The following CCDC7 variants were observed in gnomAD, a reference collection of about 807,000 sequenced individuals.
CCDC7 encodes the protein coiled-coil domain-containing protein 7.
CCDC7 carries 183 observed loss-of-function variants against 196.9 expected under a neutral mutation model. The observed-to-expected ratio is 0.93, with a 90% CI of 0.82 to 1.05. CCDC7 has a LOEUF of 1.05. CCDC7 is among the 50% of genes least tolerant of loss of function. The pLI, the probability that CCDC7 is intolerant of heterozygous loss-of-function variation, is 0.00. For missense variants in CCDC7, 1,540 were observed against 1,482.2 expected (o/e 1.04, Z -0.64); for synonymous variants, 525 against 484.6 (o/e 1.08, Z -1.10).
intron 8 of CCDC7, among the ~76,000 whole-genome samples, chr10:32,490,406 G>T (rs1034221171): frequency 4.6e-5 from 7 of 152,142 alleles, no homozygotes; most frequent in Admixed American, 2.6e-4. Flanking sequence ...TCAAATTGTG[G>T]CTGAAATAAT....
At chr10:32,673,850 G>T (rs1004224942) in intron 21 of CCDC7, among the ~76,000 whole-genome samples, 4 of 151,962 alleles carry the variant, frequency 2.6e-5, no homozygotes, top group Non-Finnish European at 5.9e-5. Flanking sequence ...GTTATTGGTA[G>T]GTTCTAGGAA....
intron 20 of CCDC7, among the ~76,000 whole-genome samples, chr10:32,641,721 T>C (rs1190153729): frequency 6.6e-6 from 1 of 152,066 alleles, no homozygotes. Context: ...GGAGGAGGAG[T>C]GGTGCTCTGA....
intron 28 of CCDC7, among the ~76,000 whole-genome samples, chr10:32,746,388 G>T (rs1399188619): frequency 6.6e-6 from 1 of 152,186 alleles, no homozygotes; most frequent in Admixed American, 6.5e-5. Flanking sequence ...AGGGAGAGCT[G>T]CTTTAAGAGG....
At chr10:32,861,131 A>AAAAAAAAAAAAAAAAG (rs1565740882) in intron 41 of CCDC7, among the ~76,000 whole-genome samples, 1 of 148,664 alleles carries the variant, frequency 6.7e-6, no homozygotes, top group Non-Finnish European at 1.5e-5. Flanking sequence ...AAAAAAAAAA[A>AAAAAAAAAAAAAAAAG]AAAGAAAGCT....
intron 18 of CCDC7, among the ~76,000 whole-genome samples, chr10:32,589,281 A>T (rs1446958938): frequency 6.6e-6 from 1 of 152,172 alleles, no homozygotes; most frequent in African/African-American, 2.4e-5. Flanking sequence ...TATTGCACTT[A>T]ACATAATGTC....
At chr10:32,715,516 G>A (rs766272849) in intron 25 of CCDC7, among the ~76,000 whole-genome samples, 23 of 152,068 alleles carry the variant, frequency 1.5e-4, no homozygotes, top group South Asian at 4.1e-4. Context: ...ACAACTCCTC[G>A]TCAGCAAGGG....
intron 23 of CCDC7, among the ~76,000 whole-genome samples, chr10:32,693,928 A>T (rs769574410): frequency 2.6e-5 from 4 of 152,140 alleles, no homozygotes; most frequent in Non-Finnish European, 5.9e-5. Flanking sequence ...GCAACCCTTA[A>T]CTGGGATAAG....
chr10:32,826,678 A>G (rs530830276), intron 32 of CCDC7, among the ~76,000 whole-genome samples: 39 of 152,358 alleles, frequency 2.6e-4, no homozygotes, highest in African/African-American at 8.9e-4. Context: ...CAGTGGACAG[A>G]GGAAGAGAAG....
At chr10:32,845,399 C>A in intron 34 of CCDC7, 73 bp downstream of exon 35, 1 of 1,272,098 alleles carries the variant, frequency 7.9e-7, no homozygotes, top group Non-Finnish European at 1.1e-6. Context: ...AAGTATAGAC[C>A]TTTAATAACA....
intron 11 of CCDC7, among the ~76,000 whole-genome samples, chr10:32,535,158 C>T (rs1254008160): frequency 1.3e-5 from 2 of 151,390 alleles, no homozygotes; most frequent in Non-Finnish European, 2.9e-5. Context: ...AAATATGTCC[C>T]ATCCTTATAT....
At chr10:32,486,134 A>G (rs920297214) in intron 8 of CCDC7, among the ~76,000 whole-genome samples, 2 of 152,052 alleles carry the variant, frequency 1.3e-5, no homozygotes, top group Non-Finnish European at 2.9e-5. Flanking sequence ...GGGAGTCTAC[A>G]TCTCTTTCTA....
chr10:32,796,776 A>T (rs1347365623), intron 29 of CCDC7, among the ~76,000 whole-genome samples: 1 of 152,234 alleles, frequency 6.6e-6, no homozygotes, highest in Non-Finnish European at 1.5e-5. Context: ...ACAATATATT[A>T]TAAGGCATAA....
intron 28 of CCDC7, among the ~76,000 whole-genome samples, chr10:32,765,909 T>C (rs1418937557): frequency 6.6e-6 from 1 of 152,084 alleles, no homozygotes; most frequent in Admixed American, 6.6e-5. Flanking sequence ...GAAGCAGTTT[T>C]CTTTTAGCTG....
chr10:32,713,529 C>T (rs894879145), intron 25 of CCDC7, among the ~76,000 whole-genome samples: 1 of 152,240 alleles, frequency 6.6e-6, no homozygotes, highest in Non-Finnish European at 1.5e-5. Flanking sequence ...CATAAGATTA[C>T]TTCCTTCATC....
At chr10:32,809,058 A>T (rs2086492387) in intron 30 of CCDC7, among the ~76,000 whole-genome samples, 1 of 152,176 alleles carries the variant, frequency 6.6e-6, no homozygotes. Flanking sequence ...TCCAACCAAC[A>T]TCATAGATAG....
intron 28 of CCDC7, among the ~76,000 whole-genome samples, chr10:32,731,550 A>G (rs569992015): frequency 6.6e-6 from 1 of 152,304 alleles, no homozygotes; most frequent in African/African-American, 2.4e-5. Flanking sequence ...ATGTTATAAA[A>G]ACTTTTTAAA....
chr10:32,484,548 T>A (rs889133463), intron 8 of CCDC7, among the ~76,000 whole-genome samples: 1 of 152,142 alleles, frequency 6.6e-6, no homozygotes, highest in Non-Finnish European at 1.5e-5. Context: ...ATAGGAGTGG[T>A]GAGGGAGGGC....
chr10:32,711,104 C>T (rs1250072579), intron 24 of CCDC7, among the ~76,000 whole-genome samples: 1 of 150,852 alleles, frequency 6.6e-6, no homozygotes, highest in East Asian at 1.9e-4. Flanking sequence ...TGATATTATA[C>T]CATTGTTTCT....
At chr10:32,677,978 T>C (rs559332648) in intron 21 of CCDC7, among the ~76,000 whole-genome samples, 2 of 152,206 alleles carry the variant, frequency 1.3e-5, no homozygotes, top group South Asian at 2.1e-4. Flanking sequence ...TTCTTCTGCT[T>C]GATAAAGTCT....
Sources: allele counts gnomAD v4.1 joint callset (sites outside exome capture counted in the v4.1 genomes callset), GRCh38; gene constraint gnomAD v4.1.1; transcripts MANE v1.5; gene names NCBI Gene and HGNC (gene_info 2026-07-23, HGNC 2026-07-21).